The following MIS18A variants were observed in gnomAD, a reference collection of about 807,000 sequenced individuals.
MIS18A encodes the protein protein Mis18-alpha.
MIS18A carries 14 observed loss-of-function variants against 25.0 expected under a neutral mutation model. The observed-to-expected ratio is 0.56, with a 90% CI of 0.37 to 0.88. The LOEUF (loss-of-function observed/expected upper bound fraction) is 0.88. MIS18A is among the 40% of genes least tolerant of loss of function. MIS18A has a pLI of 0.00. For synonymous variants in MIS18A, 134 were observed against 118.6 expected, an observed-to-expected ratio of 1.13 and a Z score of -0.84; for missense variants, 292 against 290.8, an observed-to-expected ratio of 1.00 and a Z score of -0.03.
chr21:32,245,265 C>T, the MIS18A span, among the ~76,000 whole-genome samples: 12 of 152,300 alleles, frequency 7.9e-5, no homozygotes, highest in Non-Finnish European at 1.5e-4. Flanking sequence ...TGCCTTCTAG[C>T]GGGCATCAGT....
chr21:32,235,031 A>T, the MIS18A span, among the ~76,000 whole-genome samples: 1 of 152,162 alleles, frequency 6.6e-6, no homozygotes, highest in African/African-American at 2.4e-5. Context: ...ATGGGTCTCC[A>T]CAGAGATGAC....
At chr21:32,157,535 T>G in the MIS18A span, among the ~76,000 whole-genome samples, 3 of 151,758 alleles carry the variant, frequency 2.0e-5, no homozygotes, top group African/African-American at 7.3e-5. Context: ...TTTTTGTTAT[T>G]GTTGTTGTTG....
At chr21:32,189,804 C>G in the MIS18A span, among the ~76,000 whole-genome samples, 1 of 152,218 alleles carries the variant, frequency 6.6e-6, no homozygotes, top group Non-Finnish European at 1.5e-5. Flanking sequence ...CTGCCATCCT[C>G]TGCATCCACC....
the MIS18A span, among the ~76,000 whole-genome samples, chr21:32,188,171 G>C: frequency 1.3e-5 from 2 of 152,226 alleles, no homozygotes; most frequent in Non-Finnish European, 2.9e-5. Context: ...AATGTCTGTT[G>C]TTTAAGCCAC....
At chr21:32,226,875 T>C in the MIS18A span, among the ~76,000 whole-genome samples, 1 of 152,086 alleles carries the variant, frequency 6.6e-6, no homozygotes, top group Non-Finnish European at 1.5e-5. Flanking sequence ...TGATTAAAAA[T>C]ACACAAAATA....
chr21:32,274,550 A>C (rs1317254474), intron 2 of MIS18A, among the ~76,000 whole-genome samples: 2 of 152,148 alleles, frequency 1.3e-5, no homozygotes. Context: ...CACCAAGCCC[A>C]AAGATCCAAA....
chr21:32,214,981 G>A, the MIS18A span, among the ~76,000 whole-genome samples: 6 of 152,296 alleles, frequency 3.9e-5, no homozygotes, highest in East Asian at 5.8e-4. Context: ...TGAGTCTCCC[G>A]GAGCCAAGGG....
At chr21:32,176,905 A>G in the MIS18A span, among the ~76,000 whole-genome samples, 1 of 152,170 alleles carries the variant, frequency 6.6e-6, no homozygotes, top group Non-Finnish European at 1.5e-5. Flanking sequence ...ATGAGGATGA[A>G]ATAATATGGG....
At chr21:32,265,944 T>C (rs912166917), downstream of MIS18A, among the ~76,000 whole-genome samples, 2 of 152,192 alleles carry the variant, frequency 1.3e-5, no homozygotes, top group African/African-American at 2.4e-5. Context: ...AGAGTCTTTA[T>C]ATCTAGCTCA....
At chr21:32,166,897 G>T in the MIS18A span, among the ~76,000 whole-genome samples, 1 of 152,102 alleles carries the variant, frequency 6.6e-6, no homozygotes, top group Non-Finnish European at 1.5e-5. Flanking sequence ...TTACTACCTT[G>T]ACTGAGTGAT....
the MIS18A span, among the ~76,000 whole-genome samples, chr21:32,190,962 G>T: frequency 6.6e-6 from 1 of 152,312 alleles, no homozygotes; most frequent in South Asian, 2.1e-4. Flanking sequence ...CCCACATCCT[G>T]TGAGGCACAC....
the MIS18A span, among the ~76,000 whole-genome samples, chr21:32,182,533 G>A: frequency 1.3e-5 from 2 of 152,228 alleles, no homozygotes; most frequent in South Asian, 2.1e-4. Flanking sequence ...CATCATTCCC[G>A]GCTGCTCAGC....
At chr21:32,188,518 T>C in the MIS18A span, among the ~76,000 whole-genome samples, 1 of 152,206 alleles carries the variant, frequency 6.6e-6, no homozygotes, top group Non-Finnish European at 1.5e-5. Flanking sequence ...CTTTAGTCCC[T>C]TGTAAACTCA....
At position 32,278,658 on chromosome 21, in the gene MIS18A, C is replaced by G. The variant is rs543744279; in HGVS notation, c.334+23G>C. On this transcript the variant is annotated intron_variant, in intron 1 of 4. Transcript: ENST00000290130. ...GGAAGAAGGCGACCCCACGCCCCCCCTGCCCGGCTCGACCCAACTGACAGC... is the reference window on the plus strand; with the variant it reads ...GGAAGAAGGCGACCCCACGCCCCCCGTGCCCGGCTCGACCCAACTGACAGC... 1.1e-4 allele frequency: 163 copies of G among 1,495,304 alleles called. No individual in the cohort carries two copies. The African/African-American group carries it at 1.3e-3, about 12-fold the overall frequency. 92.6% of individuals were successfully genotyped at this position (1,495,304 alleles called of 1,614,324 possible).
downstream of MIS18A, among the ~76,000 whole-genome samples, chr21:32,266,278 C>A (rs2031598575): frequency 6.6e-6 from 1 of 152,146 alleles, no homozygotes; most frequent in African/African-American, 2.4e-5. Context: ...TTGTATCTAG[C>A]TCAGGGATTG....
At chr21:32,161,135 C>T in the MIS18A span, among the ~76,000 whole-genome samples, 15 of 152,216 alleles carry the variant, frequency 9.9e-5, no homozygotes, top group Non-Finnish European at 7.3e-5. Flanking sequence ...TCATAATTAA[C>T]GAATTGATAG....
the MIS18A span, among the ~76,000 whole-genome samples, chr21:32,155,952 G>GA: frequency 0.54 from 81,430 of 149,806 alleles, 22,035 homozygotes; most frequent in Middle Eastern, 0.67. Flanking sequence ...CAATTGTTAG[G>GA]AAAAAAAAAA....
At chr21:32,196,155 T>C in the MIS18A span, among the ~76,000 whole-genome samples, 2 of 152,138 alleles carry the variant, frequency 1.3e-5, no homozygotes, top group Non-Finnish European at 2.9e-5. Flanking sequence ...GGGATTACCA[T>C]TTGAACTGGT....
chr21:32,181,938 G>C, the MIS18A span, among the ~76,000 whole-genome samples: 2 of 152,188 alleles, frequency 1.3e-5, no homozygotes, highest in African/African-American at 4.8e-5. Flanking sequence ...CCTGCCTCTG[G>C]TTCCTTGTTT....
Sources: gnomAD v4.1 joint callset for allele counts (sites outside exome capture counted in the v4.1 genomes callset) on GRCh38, gnomAD v4.1.1 for gene constraint, MANE v1.5 for transcripts, NCBI Gene and HGNC (gene_info 2026-07-23, HGNC 2026-07-21) for gene names.